Variants in PHF14 observed in about 807,000 individuals in gnomAD.
PHF14 encodes the protein PHD finger protein 14.
Under a neutral mutation model 117.9 loss-of-function variants are expected in PHF14, and 55 were observed. The ratio of observed to expected loss-of-function variants is 0.47; its 90% confidence interval spans 0.38 to 0.58. The LOEUF is 0.58. Among genes scored for constraint, PHF14 ranks in the 20% least tolerant of loss-of-function variants. PHF14 has a pLI of 0.00. For missense variants in PHF14, 978 were observed against 1,122.2 expected, an observed-to-expected ratio of 0.87 and a Z score of 1.84; for synonymous variants, 409 against 368.6, an observed-to-expected ratio of 1.11 and a Z score of -1.26.
intron 17 of PHF14, among the ~76,000 whole-genome samples, chr7:11,153,885 A>G (rs1445148935): frequency 2.0e-5 from 3 of 149,846 alleles, no homozygotes; most frequent in Non-Finnish European, 4.4e-5. Flanking sequence ...GTCTCGAAGT[A>G]TTGTGTCCTC....
chr7:11,155,391 C>T (rs957942691), intron 17 of PHF14, among the ~76,000 whole-genome samples: 3 of 152,208 alleles, frequency 2.0e-5, no homozygotes, highest in Non-Finnish European at 4.4e-5. Context: ...ACCATGAGCA[C>T]TGTGTAATGC....
chr7:11,070,005 G>A (rs1434832332), intron 16 of PHF14, among the ~76,000 whole-genome samples: 1 of 152,122 alleles, frequency 6.6e-6, no homozygotes, highest in African/African-American at 2.4e-5. Context: ...ATTCTCCGGT[G>A]ATACCATCTG....
chr7:11,168,805 G>C (rs1165542243), intron 17 of PHF14, among the ~76,000 whole-genome samples: 2 of 152,062 alleles, frequency 1.3e-5, no homozygotes, highest in Non-Finnish European at 2.9e-5. Flanking sequence ...AACACAAGAT[G>C]CACTTCATTT....
Position 11,005,772 on chromosome 7 carries a change from C to T in PHF14, c.1046-7975C>T, listed in dbSNP as rs62438454. ...GTAATAATTTCTGTGGGATAGATACCTAGAAGTAAAAATTCTTTTTTTTTT... is the reference window on the plus strand; with the variant it reads ...GTAATAATTTCTGTGGGATAGATACTTAGAAGTAAAAATTCTTTTTTTTTT... On this transcript the variant is annotated intron_variant, in intron 4 of 17. Coordinates refer to ENST00000634607, the MANE Select transcript of PHF14 (RefSeq NM_001007157.2). Among the ~76,000 whole-genome samples, 43 of 148,978 alleles carry T rather than the reference C, an allele frequency of 2.9e-4. 1 individual carries two copies. Among genetic ancestry groups the T allele is most frequent in the Admixed American group, 6.0e-4 (9 of 14,960 alleles).
intron 5 of PHF14, among the ~76,000 whole-genome samples, chr7:11,020,148 G>C (rs890932022): frequency 6.6e-6 from 1 of 151,990 alleles, no homozygotes; most frequent in Non-Finnish European, 1.5e-5. Context: ...AAGTGCAGTG[G>C]CACGATATTG....
At chr7:11,016,754 C>T (rs1241218487) in intron 5 of PHF14, among the ~76,000 whole-genome samples, 2 of 152,084 alleles carry the variant, frequency 1.3e-5, no homozygotes, top group African/African-American at 2.4e-5. Context: ...TCCAGTTACC[C>T]TCTTTAAGTT....
At chr7:11,032,766 A>C (rs1264892887) in intron 7 of PHF14, among the ~76,000 whole-genome samples, 2 of 152,108 alleles carry the variant, frequency 1.3e-5, no homozygotes, top group Non-Finnish European at 2.9e-5. Flanking sequence ...ATTTATGTTG[A>C]CTATTACTGC....
At chr7:11,045,853 T>A (rs1328618534) in intron 13 of PHF14, among the ~76,000 whole-genome samples, 1 of 152,206 alleles carries the variant, frequency 6.6e-6, no homozygotes, top group East Asian at 1.9e-4. Context: ...AGCAGATGGT[T>A]GGTAACAACT....
At chr7:11,101,547 C>G (rs1787093168) in intron 16 of PHF14, among the ~76,000 whole-genome samples, 1 of 151,810 alleles carries the variant, frequency 6.6e-6, no homozygotes, top group Non-Finnish European at 1.5e-5. Context: ...ATAAATACAA[C>G]ATGTCTTTGA....
At position 11,051,602 on chromosome 7, in the gene PHF14, C is replaced by G. The variant is rs1436601825; in HGVS notation, c.2313-10C>G. 2 of 1,599,722 alleles carry G rather than the reference C, an allele frequency of 1.3e-6. No individual in the cohort carries two copies. Among genetic ancestry groups the G allele is most frequent in the South Asian group, 1.1e-5 (1 of 87,338 alleles). ...TAAATGCATGACTTAAATTTTTCCC[C>G]TTTATGTAGGCAGTGCTCGGAATGT... On this transcript the variant is annotated splice_polypyrimidine_tract_variant and intron_variant, in intron 13 of 17. Coordinates refer to ENST00000634607, the MANE Select transcript of PHF14 (RefSeq NM_001007157.2).
At chr7:10,984,110 A>G (rs1782137451) in intron 3 of PHF14, among the ~76,000 whole-genome samples, 1 of 152,100 alleles carries the variant, frequency 6.6e-6, no homozygotes, top group Non-Finnish European at 1.5e-5. Context: ...ATTTTTTTCC[A>G]TATCACTGAA....
At chr7:11,062,418 CAGA>C (rs1785258762) in intron 16 of PHF14, 1 of 162,326 alleles carries the variant, frequency 6.2e-6, no homozygotes, top group African/African-American at 2.4e-5. Flanking sequence ...TGTTTTATGT[CAGA>C]AAACAATAAA....
chr7:11,049,501 T>G (rs930451653), intron 13 of PHF14, among the ~76,000 whole-genome samples: 13 of 150,866 alleles, frequency 8.6e-5, no homozygotes, highest in African/African-American at 2.9e-4. Flanking sequence ...AAAGTGTAAA[T>G]TAGAACTGTT....
At chr7:11,103,803 G>A in intron 16 of PHF14, 1 of 984,720 alleles carries the variant, frequency 1.0e-6, no homozygotes, top group Non-Finnish European at 1.2e-6. Flanking sequence ...TGGATGAGAT[G>A]TTTGATAAAA....
intron 4 of PHF14, among the ~76,000 whole-genome samples, chr7:10,997,137 C>G (rs751890042): frequency 8.5e-5 from 13 of 152,170 alleles, no homozygotes; most frequent in Non-Finnish European, 1.0e-4. Flanking sequence ...ACGTGCTTTA[C>G]TTACTTTTTA....
intron 7 of PHF14, among the ~76,000 whole-genome samples, chr7:11,034,583 C>G (rs1784248408): frequency 8.6e-6 from 1 of 115,662 alleles, no homozygotes; most frequent in Admixed American, 1.2e-4. Flanking sequence ...GACTGTCGCT[C>G]TGTCACCCAG....
chr7:11,096,361 A>T lies in PHF14; in HGVS notation c.2655-14989A>T, dbSNP rs1293912482. On this transcript the variant is annotated intron_variant, in intron 16 of 17. Coordinates refer to ENST00000634607, the MANE Select transcript of PHF14 (RefSeq NM_001007157.2). ...TCATACAGACCTGACAATTTCACTT[A>T]TAGGAGAAAGGGAATTTTGTAAAGA... 2.6e-5 allele frequency among the ~76,000 whole-genome samples: 4 copies of T among 152,198 alleles called. No individual in the cohort carries two copies. In the East Asian group the frequency reaches 7.7e-4, roughly 29 times the overall value.
At chr7:11,030,286 C>T (rs758406583) in intron 7 of PHF14, among the ~76,000 whole-genome samples, 2 of 152,000 alleles carry the variant, frequency 1.3e-5, no homozygotes, top group African/African-American at 2.4e-5. Context: ...ATAAATACTA[C>T]GTAAATACTT....
At chr7:11,132,128 C>T (rs1788107084) in intron 17 of PHF14, among the ~76,000 whole-genome samples, 1 of 151,720 alleles carries the variant, frequency 6.6e-6, no homozygotes, top group African/African-American at 2.4e-5. Flanking sequence ...AAAATCTACT[C>T]ATTTTGCATG....
Sources: allele counts gnomAD v4.1 joint callset (sites outside exome capture counted in the v4.1 genomes callset), GRCh38; gene constraint gnomAD v4.1.1; transcripts MANE v1.5; gene names NCBI Gene and HGNC (gene_info 2026-07-23, HGNC 2026-07-21).